The following PDLIM5 variants were observed in gnomAD, a reference collection of about 807,000 sequenced individuals.
PDLIM5 encodes PDZ and LIM domain protein 5.
In PDLIM5, 34 loss-of-function variants were observed where a neutral mutation model predicts 64.2. The ratio of observed to expected loss-of-function variants is 0.53; its 90% confidence interval spans 0.40 to 0.71. PDLIM5 has a LOEUF of 0.71. PDLIM5 is among the 30% of genes least tolerant of loss of function. PDLIM5 has a pLI of 0.00. For synonymous variants in PDLIM5, 253 were observed against 269.1 expected (o/e 0.94, Z 0.59); for missense variants, 683 against 733.6 (o/e 0.93, Z 0.80).
At chr4:94,566,051 G>A (rs1159938240) in intron 3 of PDLIM5, among the ~76,000 whole-genome samples, 2 of 152,072 alleles carry the variant, frequency 1.3e-5, no homozygotes, top group African/African-American at 2.4e-5. Context: ...TCATTGTTTG[G>A]AGCCATTACT....
chr4:94,535,177 G>A (rs906187585), intron 3 of PDLIM5, among the ~76,000 whole-genome samples: 1 of 152,134 alleles, frequency 6.6e-6, no homozygotes, highest in Non-Finnish European at 1.5e-5. Context: ...GAAATAGAAA[G>A]CAGGAGAAAT....
At chr4:94,636,761 TC>T (rs1473389160) in intron 8 of PDLIM5, among the ~76,000 whole-genome samples, 1 of 152,106 alleles carries the variant, frequency 6.6e-6, no homozygotes, top group African/African-American at 2.4e-5. Context: ...GGTCTCGATC[TC>T]CTGATCTCAT....
rs550010871 is a variant in PDLIM5 at position 94,476,047 on chromosome 4, C to A, written c.96+20663C>A. ...AGGTCATTTCAACTGTTAGGTAACTCTTGAAGTTGTATCGTTTCTAAGCTA... is the reference window on the plus strand; with the variant it reads ...AGGTCATTTCAACTGTTAGGTAACTATTGAAGTTGTATCGTTTCTAAGCTA... On this transcript the variant is annotated intron_variant, in intron 2 of 12. Coordinates refer to ENST00000317968, the MANE Select transcript of PDLIM5 (RefSeq NM_006457.5). 1.1e-4 allele frequency among the ~76,000 whole-genome samples: 17 copies of A among 152,218 alleles called. No homozygotes were observed. The South Asian group carries it at 3.3e-3, about 30-fold the overall frequency.
At chr4:94,547,417 C>T (rs1732419509) in intron 3 of PDLIM5, among the ~76,000 whole-genome samples, 1 of 152,162 alleles carries the variant, frequency 6.6e-6, no homozygotes, top group Non-Finnish European at 1.5e-5. Context: ...GTCTGTCTCA[C>T]ATCATATCAT....
chr4:94,514,284 A>C (rs1313920057), intron 2 of PDLIM5, among the ~76,000 whole-genome samples: 1 of 151,844 alleles, frequency 6.6e-6, no homozygotes, highest in African/African-American at 2.4e-5. Flanking sequence ...ACAGGTGCCC[A>C]CCATCACGCC....
At chr4:94,454,387 A>G (rs747256838) in intron 1 of PDLIM5, among the ~76,000 whole-genome samples, 5 of 150,630 alleles carry the variant, frequency 3.3e-5, no homozygotes, top group Non-Finnish European at 7.4e-5. Context: ...GAGTCATCAC[A>G]CGCACACTTA....
chr4:94,634,664 G>A (rs1300443332), intron 8 of PDLIM5, among the ~76,000 whole-genome samples: 2 of 152,136 alleles, frequency 1.3e-5, no homozygotes, highest in Non-Finnish European at 1.5e-5. Context: ...GTCTGGCCAG[G>A]TGTTTAATCT....
intron 2 of PDLIM5, among the ~76,000 whole-genome samples, chr4:94,512,444 G>A (rs538848844): frequency 6.6e-6 from 1 of 152,170 alleles, no homozygotes; most frequent in African/African-American, 2.4e-5. Flanking sequence ...ATTTGTTATT[G>A]CCTGTATTTT....
intron 2 of PDLIM5, among the ~76,000 whole-genome samples, chr4:94,520,217 A>G (rs1384024663): frequency 6.6e-6 from 1 of 152,210 alleles, no homozygotes; most frequent in African/African-American, 2.4e-5. Context: ...AAGTCTGTGG[A>G]AAATTGGATA....
chr4:94,532,977 T>C (rs1215008432), intron 3 of PDLIM5, among the ~76,000 whole-genome samples: 1 of 152,202 alleles, frequency 6.6e-6, no homozygotes, highest in Non-Finnish European at 1.5e-5. Context: ...CACTCCAGAC[T>C]GGGCGACAGA....
chr4:94,543,759 A>T (rs942033356), intron 3 of PDLIM5, among the ~76,000 whole-genome samples: 2 of 148,108 alleles, frequency 1.4e-5, no homozygotes, highest in East Asian at 2.0e-4. Context: ...CCTCATTTTT[A>T]AGGCTGAATA....
chr4:94,659,486 A>ATGTG (rs1400183342), intron 11 of PDLIM5, among the ~76,000 whole-genome samples: 40 of 113,416 alleles, frequency 3.5e-4, no homozygotes, highest in African/African-American at 1.4e-3. Context: ...TGTAGTATAT[A>ATGTG]TGTGTGTATG....
intron 8 of PDLIM5, among the ~76,000 whole-genome samples, chr4:94,635,622 T>C (rs1740497279): frequency 6.6e-6 from 1 of 152,208 alleles, no homozygotes; most frequent in African/African-American, 2.4e-5. Context: ...ACTGGTTTTC[T>C]TTGTATGGTA....
At chr4:94,561,678 A>G (rs1733862998) in intron 3 of PDLIM5, among the ~76,000 whole-genome samples, 1 of 152,204 alleles carries the variant, frequency 6.6e-6, no homozygotes, top group Non-Finnish European at 1.5e-5. Flanking sequence ...CCTTGGAGCC[A>G]AAGTAAGGAA....
chr4:94,458,025 G>A (rs566542831), intron 2 of PDLIM5, among the ~76,000 whole-genome samples: 4 of 152,266 alleles, frequency 2.6e-5, no homozygotes, highest in Admixed American at 2.0e-4. Flanking sequence ...TGGCTCAATC[G>A]GGCTGCTAGG....
intron 11 of PDLIM5, among the ~76,000 whole-genome samples, chr4:94,658,951 A>G (rs1370432438): frequency 6.6e-6 from 1 of 152,176 alleles, no homozygotes; most frequent in Non-Finnish European, 1.5e-5. Context: ...GCAGCTTTGG[A>G]AGACATTTTG....
intron 8 of PDLIM5, among the ~76,000 whole-genome samples, chr4:94,638,938 G>T (rs1007959671): frequency 1.3e-5 from 2 of 152,158 alleles, no homozygotes; most frequent in African/African-American, 4.8e-5. Flanking sequence ...GAAAGGCACA[G>T]AAATATATAG....
intron 2 of PDLIM5, chr4:94,456,691 A>G (rs1470612788): frequency 5.4e-6 from 7 of 1,306,564 alleles, no homozygotes; most frequent in Non-Finnish European, 7.0e-6. Context: ...GGTACAGTGA[A>G]TACCAAATAT....
intron 3 of PDLIM5, among the ~76,000 whole-genome samples, chr4:94,560,438 A>G (rs1733733406): frequency 6.6e-6 from 1 of 152,208 alleles, no homozygotes; most frequent in South Asian, 2.1e-4. Context: ...ATGGCAGCCA[A>G]TAACTGACAT....
Sources: gnomAD v4.1 joint callset for allele counts (sites outside exome capture counted in the v4.1 genomes callset) on GRCh38, gnomAD v4.1.1 for gene constraint, MANE v1.5 for transcripts, NCBI Gene and HGNC (gene_info 2026-07-23, HGNC 2026-07-21) for gene names.